CMIP: variants seen among roughly 807,000 people sequenced by gnomAD.
The protein encoded by CMIP is c-Maf inducing protein.
A neutral mutation model predicts 97.3 loss-of-function variants in CMIP; 13 were observed. That is an observed-to-expected ratio of 0.13 (90% CI 0.09 to 0.21). CMIP has a LOEUF of 0.21. CMIP is among the 10% of genes least tolerant of loss of function. The pLI is 1.00. For synonymous variants in CMIP, 538 were observed against 436.3 expected, an observed-to-expected ratio of 1.23 and a Z score of -2.91; for missense variants, 847 against 1,024.9, an observed-to-expected ratio of 0.83 and a Z score of 2.37.
intron 1 of CMIP, among the ~76,000 whole-genome samples, chr16:81,481,574 C>T (rs908458033): frequency 1.3e-5 from 2 of 152,194 alleles, no homozygotes; most frequent in East Asian, 1.9e-4. Flanking sequence ...CCAGAGGGTG[C>T]TGTTTCAACT....
chr16:81,488,478 A>G (rs1263279642), intron 1 of CMIP, among the ~76,000 whole-genome samples: 4 of 152,164 alleles, frequency 2.6e-5, no homozygotes, highest in Admixed American at 1.3e-4. Flanking sequence ...GTTAGCCATC[A>G]TTGTAGTCAT....
Position 81,627,571 on chromosome 16 carries a change from C to T in CMIP, c.477+6645C>T, listed in dbSNP as rs79864972. Among the ~76,000 whole-genome samples the T allele has an allele frequency of 1.9e-3, 287 of 152,182 alleles. No homozygotes were observed. The highest frequency in any genetic ancestry group is 3.6e-3 in the Non-Finnish European group (243 of 67,978). On this transcript the variant is annotated intron_variant, in intron 3 of 20. Transcript: ENST00000537098. The surrounding 1 kb of genome is among the most constrained non-coding windows in gnomAD (Gnocchi z 4.6). ...GGGAGGGCTAGGGTGGGTGGGAAGC[C>T]CGCCCTCGAGACTGTCTCTGCCCGG...
chr16:81,645,042 G>A (rs955555556), intron 3 of CMIP, among the ~76,000 whole-genome samples: 5 of 152,220 alleles, frequency 3.3e-5, no homozygotes, highest in Non-Finnish European at 7.3e-5. Context: ...AATGTTCTCT[G>A]TCTGCACCAC....
At chr16:81,607,133 C>T (rs1033437085) in intron 1 of CMIP, among the ~76,000 whole-genome samples, 6 of 152,186 alleles carry the variant, frequency 3.9e-5, no homozygotes, top group African/African-American at 1.2e-4. Flanking sequence ...CATCTTGGAA[C>T]GTGGCTCTGG....
chr16:81,468,463 G>A (rs1017979942), intron 1 of CMIP, among the ~76,000 whole-genome samples: 6 of 152,272 alleles, frequency 3.9e-5, no homozygotes, highest in East Asian at 1.9e-4. Context: ...GGGTGAGAAC[G>A]AAGTGAGAAG....
intron 1 of CMIP, among the ~76,000 whole-genome samples, chr16:81,449,953 G>T (rs1350167455): frequency 6.6e-6 from 1 of 152,254 alleles, no homozygotes; most frequent in Non-Finnish European, 1.5e-5. Context: ...CAGGTGGAAG[G>T]AATTTCACTG....
At chr16:81,624,793 G>T (rs1190549591) in intron 3 of CMIP, among the ~76,000 whole-genome samples, 1 of 152,234 alleles carries the variant, frequency 6.6e-6, no homozygotes, top group African/African-American at 2.4e-5. Context: ...GACAACCGCT[G>T]CTATGGAATT....
chr16:81,547,165 AGAG>A (rs2090563297), intron 1 of CMIP, among the ~76,000 whole-genome samples: 1 of 152,184 alleles, frequency 6.6e-6, no homozygotes, highest in Non-Finnish European at 1.5e-5. Flanking sequence ...GATCTGGGGC[AGAG>A]GAGGAGAGGG....
At chr16:81,576,637 C>G (rs1013232627) in intron 1 of CMIP, among the ~76,000 whole-genome samples, 1 of 152,064 alleles carries the variant, frequency 6.6e-6, no homozygotes, top group African/African-American at 2.4e-5. Context: ...GTCAGCACCC[C>G]GTTACTAGAG....
chr16:81,557,881 C>A (rs1206394502), intron 1 of CMIP, among the ~76,000 whole-genome samples: 1 of 152,168 alleles, frequency 6.6e-6, no homozygotes, highest in East Asian at 1.9e-4. Flanking sequence ...ACCATCACTA[C>A]CCTCCATCTT....
chr16:81,708,114 A>G (rs564417433), intron 20 of CMIP, among the ~76,000 whole-genome samples: 45 of 152,314 alleles, frequency 3.0e-4, no homozygotes, highest in Non-Finnish European at 2.4e-4. Context: ...CCTGGCAGGC[A>G]CAGGCAAGCT....
chr16:81,615,405 GGTGT>G (rs201365765), intron 2 of CMIP, among the ~76,000 whole-genome samples: 311 of 144,022 alleles, frequency 2.2e-3, no homozygotes, highest in African/African-American at 7.5e-3. Context: ...TGTGGTGTAT[GGTGT>G]GTGTGTGTGT....
chr16:81,598,338 A>C (rs2091599034), intron 1 of CMIP, among the ~76,000 whole-genome samples: 1 of 152,110 alleles, frequency 6.6e-6, no homozygotes, highest in South Asian at 2.1e-4. Flanking sequence ...CTTTACAGTC[A>C]AATTAACAAA....
At chr16:81,658,779 A>G (rs2092513337) in intron 5 of CMIP, among the ~76,000 whole-genome samples, 1 of 152,220 alleles carries the variant, frequency 6.6e-6, no homozygotes, top group Non-Finnish European at 1.5e-5. Flanking sequence ...CCAGGAGGGG[A>G]CCTTGGAACT....
chr16:81,605,951 T>C (rs1432905382), intron 1 of CMIP, among the ~76,000 whole-genome samples: 1 of 152,246 alleles, frequency 6.6e-6, no homozygotes, highest in African/African-American at 2.4e-5. Flanking sequence ...TTTTTGAGCC[T>C]AGCAATTGAT....
At chr16:81,511,450 C>G (rs151326060) in intron 1 of CMIP, among the ~76,000 whole-genome samples, 188 of 152,348 alleles carry the variant, frequency 1.2e-3, no homozygotes, top group African/African-American at 4.3e-3. Flanking sequence ...AGTTAGTCAT[C>G]TGCCCTGTAG....
intron 3 of CMIP, among the ~76,000 whole-genome samples, chr16:81,642,664 G>A (rs2092319469): frequency 6.6e-6 from 1 of 152,198 alleles, no homozygotes; most frequent in African/African-American, 2.4e-5. Context: ...TATCTGCCGG[G>A]CGCGGTGGCT....
rs150933638 is a variant in CMIP, at chr16:81,462,254, G to T, written c.300+16713G>T. Among the ~76,000 whole-genome samples the T allele has an allele frequency of 5.9e-5, 9 of 152,274 alleles. No individual in the cohort carries two copies. In the East Asian group the frequency reaches 1.7e-3, roughly 29 times the overall value. On this transcript the variant is annotated intron_variant, in intron 1 of 20. Transcript: ENST00000537098. ...CTGAATGGATGTTCTGGGGTACTGG[G>T]TCTAGATTTGGGAATGACATACTCC...
chr16:81,646,490 G>T (rs549966282), intron 3 of CMIP, among the ~76,000 whole-genome samples: 10 of 152,276 alleles, frequency 6.6e-5, no homozygotes, highest in Non-Finnish European at 1.0e-4. Flanking sequence ...TTATTGAAAT[G>T]GAATCCACAT....
Sources: allele counts gnomAD v4.1 joint callset (sites outside exome capture counted in the v4.1 genomes callset), GRCh38; gene constraint gnomAD v4.1.1; non-coding constraint Gnocchi (gnomAD v3.1); transcripts MANE v1.5; gene names NCBI Gene and HGNC (gene_info 2026-07-23, HGNC 2026-07-21).